The following RFX3 variants were observed in gnomAD, a reference collection of about 807,000 sequenced individuals.
The protein encoded by RFX3 is regulatory factor X3.
RFX3 carries 14 observed loss-of-function variants against 98.6 expected under a neutral mutation model. The ratio of observed to expected loss-of-function variants is 0.14; its 90% CI spans 0.09 to 0.22. The LOEUF is 0.22. Ranked by LOEUF, RFX3 falls within the 10% of genes least tolerant of loss-of-function variation. The pLI is 1.00. For synonymous variants in RFX3, 383 were observed against 328.4 expected, an observed-to-expected ratio of 1.17 and a Z score of -1.80; for missense variants, 639 against 926.9, an observed-to-expected ratio of 0.69 and a Z score of 4.03.
At chr9:3,325,368 G>A (rs897683290) in intron 4 of RFX3, among the ~76,000 whole-genome samples, 1 of 151,616 alleles carries the variant, frequency 6.6e-6, no homozygotes, top group African/African-American at 2.4e-5. Context: ...AGCAGCAGAT[G>A]GACTTTCAAA....
chr9:3,369,900 G>A (rs1046236686), intron 2 of RFX3, among the ~76,000 whole-genome samples: 4 of 151,810 alleles, frequency 2.6e-5, no homozygotes, highest in Non-Finnish European at 2.9e-5. Flanking sequence ...CGCCATCTCC[G>A]CTCACTGCAA....
In RFX3 at chr9:3,271,726, G is replaced by T. The variant is rs531901483; in HGVS notation, c.1087-608C>A. ...CCATCACAGCAGGTGGAAGTGAAGG[G>T]TGTGGAGTTGCTTTTGTGTGGCAGA... On this transcript the variant is annotated intron_variant, in intron 9 of 16. Coordinates refer to ENST00000617270, the MANE Select transcript of RFX3 (RefSeq NM_001282116.2). 3.9e-5 allele frequency among the ~76,000 whole-genome samples: 6 copies of T among 152,310 alleles called. No individual in the cohort carries two copies. The South Asian group carries it at 6.2e-4, about 16-fold the overall frequency.
chr9:3,247,007 A>G (rs542230872), intron 15 of RFX3: 247 of 896,172 alleles, frequency 2.8e-4, no homozygotes, highest in Non-Finnish European at 3.2e-4. Context: ...ATACCTTATT[A>G]TATTAAACTA....
intron 15 of RFX3, among the ~76,000 whole-genome samples, chr9:3,230,369 T>A (rs1316478972): frequency 6.6e-6 from 1 of 152,162 alleles, no homozygotes; most frequent in Non-Finnish European, 1.5e-5. Context: ...TTTAGAGTTA[T>A]TAAAAGTAAT....
intron 3 of RFX3, among the ~76,000 whole-genome samples, chr9:3,339,603 T>C (rs1038959701): frequency 6.6e-6 from 1 of 152,176 alleles, no homozygotes; most frequent in Non-Finnish European, 1.5e-5. Context: ...TCAACAAATA[T>C]AGATTGAGCA....
chr9:3,351,980 A>G (rs1345277779), intron 2 of RFX3, among the ~76,000 whole-genome samples: 1 of 152,002 alleles, frequency 6.6e-6, no homozygotes, highest in Admixed American at 6.6e-5. Context: ...AAATTTCAAA[A>G]AATACGTAAT....
intron 2 of RFX3, among the ~76,000 whole-genome samples, chr9:3,384,723 T>C (rs2131757932): frequency 6.6e-6 from 1 of 152,242 alleles, no homozygotes. Flanking sequence ...ACTGAAATAT[T>C]ATTCATAAGC....
Position 3,224,352 on chromosome 9 carries a change from G to A in RFX3, c.*690C>T, listed in dbSNP as rs1329944507. 1 of 151,948 alleles carries A rather than the reference G, an allele frequency of 6.6e-6. No homozygotes were observed. The highest frequency in any genetic ancestry group is 1.5e-5 in the Non-Finnish European group (1 of 67,994). 9.4% of individuals were successfully genotyped at this position (151,948 alleles called of 1,614,324 possible). The stretch of plus-strand genomic sequence containing the variant: ...TAACGGAAGCTTGCATTGTTAACAT[G>A]GTTTAATAATTATGTACACAAATTA... On this transcript the variant is annotated 3_prime_UTR_variant, in exon 17 of 17. Coordinates refer to ENST00000617270, the MANE Select transcript of RFX3 (RefSeq NM_001282116.2).
At position 3,314,108 on chromosome 9, in the gene RFX3, AG is replaced by A. The variant is rs1830287457; in HGVS notation, c.475-12489del. 2.0e-5 allele frequency among the ~76,000 whole-genome samples: 3 copies of A among 152,234 alleles called. 1 individual carries two copies. The South Asian group carries it at 6.2e-4, about 32-fold the overall frequency. ...AGTTGAAACAAAGGAAAAAATATTA[AG>A]GGCAGCCAGAGAGAAAGGTCGGGTT... On this transcript the variant is annotated intron_variant, in intron 4 of 16. Coordinates refer to ENST00000617270, the MANE Select transcript of RFX3 (RefSeq NM_001282116.2).
intron 2 of RFX3, among the ~76,000 whole-genome samples, chr9:3,357,282 T>A (rs759582407): frequency 3.5e-4 from 53 of 152,130 alleles, no homozygotes; most frequent in Non-Finnish European, 6.2e-4. Flanking sequence ...CATTAAAATC[T>A]TGTACATTCT....
chr9:3,419,987 C>T (rs77851477), intron 1 of RFX3, among the ~76,000 whole-genome samples: 4,182 of 152,224 alleles, frequency 0.027, 202 homozygotes, highest in African/African-American at 0.097. Context: ...CTCCTCCTAC[C>T]GCACTCAAAA....
intron 1 of RFX3, among the ~76,000 whole-genome samples, chr9:3,428,529 C>T (rs1407004476): frequency 1.3e-5 from 2 of 152,180 alleles, no homozygotes; most frequent in Non-Finnish European, 2.9e-5. Flanking sequence ...CAGCAATACT[C>T]TGCTACCATG....
At chr9:3,344,934 A>G (rs1834287979) in intron 3 of RFX3, 1 of 679,252 alleles carries the variant, frequency 1.5e-6, no homozygotes, top group East Asian at 2.8e-5. Flanking sequence ...TAAAATATGT[A>G]AAGAGGTATA....
intron 4 of RFX3, among the ~76,000 whole-genome samples, chr9:3,312,573 T>C (rs1474112397): frequency 1.5e-5 from 2 of 134,402 alleles, no homozygotes; most frequent in Admixed American, 1.5e-4. Context: ...AATCCTCAAT[T>C]AAAAAAAAAA....
intron 2 of RFX3, among the ~76,000 whole-genome samples, chr9:3,366,638 T>A (rs1019230834): frequency 6.6e-6 from 1 of 151,960 alleles, no homozygotes; most frequent in Non-Finnish European, 1.5e-5. Flanking sequence ...TTTTCTTTTT[T>A]TTTTCTTTCT....
intron 3 of RFX3, among the ~76,000 whole-genome samples, chr9:3,340,164 A>C (rs996863357): frequency 6.6e-6 from 1 of 152,232 alleles, no homozygotes; most frequent in Non-Finnish European, 1.5e-5. Context: ...AGGATTCCCT[A>C]TTTAATAAAT....
intron 1 of RFX3, among the ~76,000 whole-genome samples, chr9:3,506,552 A>G (rs1020711684): frequency 1.3e-5 from 2 of 151,944 alleles, no homozygotes; most frequent in Admixed American, 6.6e-5. Context: ...CCCTGTCACA[A>G]CTAGAAAATA....
chr9:3,507,208 C>G (rs1166986093), intron 1 of RFX3, among the ~76,000 whole-genome samples: 1 of 151,722 alleles, frequency 6.6e-6, no homozygotes, highest in Non-Finnish European at 1.5e-5. Context: ...TAAGAAATTA[C>G]TAGAAATGAA....
intron 1 of RFX3, chr9:3,524,732 C>G (rs1038576209): frequency 4.0e-5 from 17 of 426,888 alleles, no homozygotes; most frequent in Middle Eastern, 1.1e-3. Context: ...CGGAACCTCA[C>G]TACTCCCCCT....
Sources: allele counts gnomAD v4.1 joint callset (sites outside exome capture counted in the v4.1 genomes callset), GRCh38; gene constraint gnomAD v4.1.1; transcripts MANE v1.5; gene names NCBI Gene and HGNC (gene_info 2026-07-23, HGNC 2026-07-21).